Variants in PALM2AKAP2 observed in about 807,000 individuals in gnomAD.
The protein encoded by PALM2AKAP2 is PALM2 and AKAP2 fusion, also known as PALM2-AKAP2 fusion protein.
In PALM2AKAP2, 37 loss-of-function variants were observed where a neutral mutation model predicts 71.5. The ratio of observed to expected loss-of-function variants is 0.52; its 90% confidence interval spans 0.40 to 0.68. The LOEUF (loss-of-function observed/expected upper bound fraction) is 0.68, where lower values mean the gene tolerates loss of function less well. PALM2AKAP2 is among the 30% of genes least tolerant of loss of function. The pLI is 0.00. For missense variants in PALM2AKAP2, 1,224 were observed against 1,191.8 expected (o/e 1.03, Z -0.40); for synonymous variants, 468 against 478.8 (o/e 0.98, Z 0.29).
At chr9:109,912,779 T>C (rs1160451536) in intron 3 of PALM2AKAP2, among the ~76,000 whole-genome samples, 1 of 152,160 alleles carries the variant, frequency 6.6e-6, no homozygotes, top group Non-Finnish European at 1.5e-5. Flanking sequence ...ATTCTTAGGA[T>C]GGAAGAAGGG....
chr9:110,016,669 T>G (rs1351477922), intron 7 of PALM2AKAP2, among the ~76,000 whole-genome samples: 1 of 152,148 alleles, frequency 6.6e-6, no homozygotes, highest in Non-Finnish European at 1.5e-5. Context: ...TTATCAGAGG[T>G]GCCACCATTT....
chr9:109,766,036 G>T (rs1483351504), intron 1 of PALM2AKAP2, among the ~76,000 whole-genome samples: 2 of 152,224 alleles, frequency 1.3e-5, no homozygotes, highest in East Asian at 3.9e-4. Flanking sequence ...GTCCCAGGGA[G>T]GAGAGGCAGG....
rs57795416 is a variant in PALM2AKAP2 at position 110,145,018 on chromosome 9, A to G, written c.2569+6479A>G. Among the ~76,000 whole-genome samples, 365 of 152,242 alleles carry G rather than the reference A, an allele frequency of 2.4e-3. 2 individuals carry two copies. Among genetic ancestry groups the G allele is most frequent in the African/African-American group, 8.5e-3 (355 of 41,532 alleles). On this transcript the variant is annotated intron_variant, in intron 2 of 3. Coordinates refer to ENST00000374525, the Ensembl canonical transcript of PALM2AKAP2. ...ATTTGTTGAGCCTGCTCTATGAGGTATACAGTAATAGCTTCTCTCTCCAAC... is the reference window on the plus strand; with the variant it reads ...ATTTGTTGAGCCTGCTCTATGAGGTGTACAGTAATAGCTTCTCTCTCCAAC...
chr9:109,709,170 G>C (rs1306398496), intron 1 of PALM2AKAP2, among the ~76,000 whole-genome samples: 1 of 152,194 alleles, frequency 6.6e-6, no homozygotes, highest in Non-Finnish European at 1.5e-5. Context: ...AGAGACCACA[G>C]CCCACATCCT....
exon 2 of PALM2AKAP2, chr9:110,137,041 C>T: frequency 6.2e-7 from 1 of 1,614,040 alleles, no homozygotes; most frequent in South Asian, 1.1e-5. Flanking sequence ...ACAAGGAGCG[C>T]AAAGAGAGAA....
intron 7 of PALM2AKAP2, among the ~76,000 whole-genome samples, chr9:110,021,411 G>A (rs561152960): frequency 5.3e-5 from 8 of 152,260 alleles, no homozygotes; most frequent in East Asian, 1.9e-4. Context: ...ATAAATTTCC[G>A]TTGTTTTAAG....
intron 1 of PALM2AKAP2, among the ~76,000 whole-genome samples, chr9:109,829,685 C>T (rs1168841492): frequency 6.6e-6 from 1 of 151,564 alleles, no homozygotes; most frequent in African/African-American, 2.4e-5. Context: ...CATCCTCTCT[C>T]CTGGCCAGAG....
intron 1 of PALM2AKAP2, among the ~76,000 whole-genome samples, chr9:110,083,962 A>G (rs552266855): frequency 6.6e-6 from 1 of 152,352 alleles, no homozygotes; most frequent in East Asian, 1.9e-4. Flanking sequence ...TGGGATATCC[A>G]ACCTGAGAGA....
chr9:109,943,783 G>C (rs1831435191), intron 6 of PALM2AKAP2: 1 of 189,192 alleles, frequency 5.3e-6, no homozygotes, highest in African/African-American at 2.4e-5. Flanking sequence ...GTTTCATTTT[G>C]TAGTGTGTTC....
At chr9:109,877,082 C>T (rs1248252052) in intron 2 of PALM2AKAP2, among the ~76,000 whole-genome samples, 1 of 152,160 alleles carries the variant, frequency 6.6e-6, no homozygotes, top group Non-Finnish European at 1.5e-5. Flanking sequence ...AACATCCCTG[C>T]TGGTGTGGAG....
intron 1 of PALM2AKAP2, among the ~76,000 whole-genome samples, chr9:109,849,119 A>AG (rs1045015941): frequency 1.3e-5 from 2 of 151,910 alleles, no homozygotes; most frequent in Non-Finnish European, 2.9e-5. Flanking sequence ...AGAAAGAGGG[A>AG]GGGGGGTCAC....
chr9:110,166,939 A>G (rs1488634355), intron 3 of PALM2AKAP2, among the ~76,000 whole-genome samples: 1 of 152,230 alleles, frequency 6.6e-6, no homozygotes, highest in Non-Finnish European at 1.5e-5. Context: ...ATTTATAAAG[A>G]AAAAGAGGTT....
chr9:109,894,040 A>G (rs1451207570), intron 3 of PALM2AKAP2, among the ~76,000 whole-genome samples: 10 of 151,840 alleles, frequency 6.6e-5, no homozygotes, highest in East Asian at 5.8e-4. Context: ...AAAAAAAAAA[A>G]AAAAAGAAGC....
At chr9:110,098,739 A>G (rs971353563) in intron 1 of PALM2AKAP2, among the ~76,000 whole-genome samples, 3 of 152,240 alleles carry the variant, frequency 2.0e-5, no homozygotes, top group African/African-American at 7.2e-5. Flanking sequence ...GTATAGAACC[A>G]AAGTTTAACT....
Position 109,958,536 on chromosome 9 carries a change from A to G in PALM2AKAP2, c.496+26508A>G, listed in dbSNP as rs112653145. 7.1e-3 allele frequency among the ~76,000 whole-genome samples: 1,075 copies of G among 152,242 alleles called. 10 individuals are homozygous for G. The highest frequency in any genetic ancestry group is 0.024 in the African/African-American group (1,004 of 41,514). ...TGGGTGACATTCTGAGTGGACGCCA[A>G]CCTCAGGAGTATTTTTCTATAATTT... On this transcript the variant is annotated intron_variant, in intron 6 of 9. Coordinates refer to the PALM2AKAP2 transcript ENST00000302798.
chr9:109,794,161 G>A (rs985183378), intron 1 of PALM2AKAP2, among the ~76,000 whole-genome samples: 2 of 152,146 alleles, frequency 1.3e-5, no homozygotes, highest in Non-Finnish European at 2.9e-5. Context: ...ATGATGAGAG[G>A]TTTTGTTTAC....
Position 110,135,164 on chromosome 9 carries a change from A to AAAAAAAAAATATAT in PALM2AKAP2, c.157-962_157-961insAAAAAAAATATATA. On this transcript the variant is annotated intron_variant, in intron 1 of 3. Coordinates refer to ENST00000374525, the Ensembl canonical transcript of PALM2AKAP2. The stretch of plus-strand genomic sequence containing the variant: ...AACTCTGTCTCTACAAAAAAAAAAA[A>AAAAAAAAAATATAT]ATATATAAATATATATATATATATA... Among the ~76,000 whole-genome samples the AAAAAAAAAATATAT allele has an allele frequency of 1.7e-4, 9 of 51,726 alleles. 1 individual carries two copies. Among genetic ancestry groups the AAAAAAAAAATATAT allele is most frequent in the African/African-American group, 4.4e-4 (6 of 13,630 alleles). 33.9% of individuals were successfully genotyped at this position (51,726 alleles called of 152,430 possible).
At chr9:110,025,524 G>A (rs1445302346) in intron 7 of PALM2AKAP2, among the ~76,000 whole-genome samples, 2 of 152,116 alleles carry the variant, frequency 1.3e-5, no homozygotes, top group African/African-American at 2.4e-5. Context: ...TTGTGTGGAC[G>A]TAGGTCTTCC....
At chr9:109,691,899 T>TAC in intron 1 of PALM2AKAP2, among the ~76,000 whole-genome samples, 1 of 62,416 alleles carries the variant, frequency 1.6e-5, no homozygotes, top group East Asian at 3.6e-4. Flanking sequence ...TATATATATA[T>TAC]ATACACACAC....
Sources: allele counts gnomAD v4.1 joint callset (sites outside exome capture counted in the v4.1 genomes callset), GRCh38; gene constraint gnomAD v4.1.1; transcripts MANE v1.5; gene names NCBI Gene and HGNC (gene_info 2026-07-23, HGNC 2026-07-21).